The following TMEM266 variants were observed in gnomAD, a reference collection of about 807,000 sequenced individuals.
The protein encoded by TMEM266 is transmembrane protein 266, also known as Hv1 related protein 1.
TMEM266 carries 33 observed loss-of-function variants against 50.5 expected under a neutral mutation model. The observed-to-expected ratio is 0.65, with a 90% CI of 0.50 to 0.87. The LOEUF (loss-of-function observed/expected upper bound fraction) is 0.87. Among genes scored for constraint, TMEM266 ranks in the 40% least tolerant of loss-of-function variants. The pLI is 0.00. For missense variants in TMEM266, 655 were observed against 695.1 expected, an observed-to-expected ratio of 0.94 and a Z score of 0.65; for synonymous variants, 310 against 292.3, an observed-to-expected ratio of 1.06 and a Z score of -0.62.
At chr15:76,149,188 C>CATTG (rs2037800506) in intron 3 of TMEM266, among the ~76,000 whole-genome samples, 1 of 152,232 alleles carries the variant, frequency 6.6e-6, no homozygotes, top group Non-Finnish European at 1.5e-5. Flanking sequence ...TCCCTGTAGG[C>CATTG]ATTGGGTTGA....
intron 8 of TMEM266, among the ~76,000 whole-genome samples, chr15:76,188,752 T>A (rs1282542094): frequency 1.3e-5 from 2 of 152,116 alleles, no homozygotes; most frequent in Non-Finnish European, 2.9e-5. Flanking sequence ...GAACTACAAT[T>A]CGAGATGAGA....
intron 1 of TMEM266, among the ~76,000 whole-genome samples, chr15:76,079,660 T>A: frequency 6.8e-6 from 1 of 146,632 alleles, no homozygotes; most frequent in African/African-American, 2.5e-5. Flanking sequence ...TGGTGGTGTG[T>A]GCCTGTAATC....
chr15:76,095,325 G>T (rs1047566551), intron 1 of TMEM266, among the ~76,000 whole-genome samples: 1 of 151,980 alleles, frequency 6.6e-6, no homozygotes, highest in African/African-American at 2.4e-5. Context: ...TAGCATGAAG[G>T]GCTGTTGAAT....
At chr15:76,202,724 G>A (rs1476693079) in intron 10 of TMEM266, among the ~76,000 whole-genome samples, 1 of 152,042 alleles carries the variant, frequency 6.6e-6, no homozygotes, top group African/African-American at 2.4e-5. Context: ...TTTACTTATG[G>A]GAAAAATTGA....
At chr15:76,124,480 T>C (rs1465952601) in intron 1 of TMEM266, among the ~76,000 whole-genome samples, 4 of 152,200 alleles carry the variant, frequency 2.6e-5, no homozygotes, top group African/African-American at 9.7e-5. Context: ...AAGCAATCTA[T>C]AGGTTCAATA....
intron 4 of TMEM266, among the ~76,000 whole-genome samples, chr15:76,157,081 A>T (rs1339308070): frequency 6.6e-6 from 1 of 151,948 alleles, no homozygotes; most frequent in Non-Finnish European, 1.5e-5. Context: ...AATTGCTCCC[A>T]TTTGGAATTT....
At position 76,116,784 on chromosome 15, in the gene TMEM266, CTAT is replaced by C. The variant is rs550526823; in HGVS notation, c.-96-17380_-96-17378del. ...TGTCATCCTGTAACCTGCTTATTTC[CTAT>C]TATGTTACAGACAACTTTTCACGTT... On this transcript the variant is annotated intron_variant, in intron 1 of 10. Coordinates refer to ENST00000388942, the MANE Select transcript of TMEM266 (RefSeq NM_152335.3). 3.0e-3 allele frequency among the ~76,000 whole-genome samples: 455 copies of C among 152,216 alleles called. 2 individuals carry two copies. Among genetic ancestry groups the C allele is most frequent in the African/African-American group, 0.01 (424 of 41,518 alleles).
At chr15:76,115,749 G>A (rs924285) in intron 1 of TMEM266, among the ~76,000 whole-genome samples, 48,852 of 152,034 alleles carry the variant, frequency 0.32, 9,192 homozygotes, top group East Asian at 0.59. Flanking sequence ...GGCGCTTTTC[G>A]TATTTGTGGC....
intron 1 of TMEM266, among the ~76,000 whole-genome samples, chr15:76,095,780 C>T (rs1311047430): frequency 2.0e-5 from 3 of 152,002 alleles, no homozygotes; most frequent in African/African-American, 7.2e-5. Flanking sequence ...TAATTACTGC[C>T]TCAATTTCAG....
chr15:76,186,627 CTCT>C (rs2038493988), intron 8 of TMEM266, among the ~76,000 whole-genome samples: 1 of 152,232 alleles, frequency 6.6e-6, no homozygotes, highest in African/African-American at 2.4e-5. Flanking sequence ...CTTATCCCTC[CTCT>C]TATCTCTCTC....
At chr15:76,177,215 A>G (rs2038297859) in intron 8 of TMEM266, among the ~76,000 whole-genome samples, 1 of 152,210 alleles carries the variant, frequency 6.6e-6, no homozygotes, top group East Asian at 1.9e-4. Context: ...GCTGAAATAG[A>G]TGCCCCCTGA....
chr15:76,083,583 C>G (rs764199288), intron 1 of TMEM266, among the ~76,000 whole-genome samples: 8 of 152,220 alleles, frequency 5.3e-5, no homozygotes, highest in African/African-American at 1.2e-4. Flanking sequence ...TTCAAAGAAG[C>G]CTTCCATGCC....
intron 1 of TMEM266, among the ~76,000 whole-genome samples, chr15:76,067,487 A>T (rs2036446464): frequency 6.6e-6 from 1 of 152,024 alleles, no homozygotes; most frequent in African/African-American, 2.4e-5. Context: ...TACTAAAAAT[A>T]CAAAAAATTA....
At chr15:76,108,086 G>C (rs1268905605) in intron 1 of TMEM266, among the ~76,000 whole-genome samples, 1 of 152,224 alleles carries the variant, frequency 6.6e-6, no homozygotes, top group Non-Finnish European at 1.5e-5. Context: ...CTCCAAGGAA[G>C]CCTGCACAAA....
chr15:76,138,718 C>T (rs979708711), intron 3 of TMEM266, among the ~76,000 whole-genome samples: 1 of 152,232 alleles, frequency 6.6e-6, no homozygotes, highest in Non-Finnish European at 1.5e-5. Flanking sequence ...GGAAGGCATG[C>T]GGAATATGTG....
intron 1 of TMEM266, among the ~76,000 whole-genome samples, chr15:76,073,899 G>C (rs1259269056): frequency 6.6e-6 from 1 of 152,208 alleles, no homozygotes. Flanking sequence ...CTCTTGTCCA[G>C]TTCTTGTGGA....
intron 8 of TMEM266, among the ~76,000 whole-genome samples, chr15:76,182,752 GA>G: frequency 6.6e-6 from 1 of 152,198 alleles, no homozygotes; most frequent in Non-Finnish European, 1.5e-5. Context: ...CTTTGCTGGT[GA>G]AAGTTGGCAG....
In TMEM266 at chr15:76,192,065, A is replaced by C; in HGVS notation, c.866A>C (p.Gln289Pro). ...CTCCAGGCCCCGCACGTGCTCAGCC[A>C]GCCGCGCAGCCGCTTCAAAGTGTTG... The change falls in exon 9 of 11, where the codon CAG becomes CCG. Residue 289 changes from glutamine (Q) to proline (P), a missense_variant. Around this residue, in one of 3 missense-constraint regions of TMEM266, gnomAD observed 455 missense variants for 401.8 expected, o/e 1.13. Coordinates refer to ENST00000388942, the MANE Select transcript of TMEM266 (RefSeq NM_152335.3). The C allele has an allele frequency of 3.4e-6, 5 of 1,486,240 alleles. No individual in the cohort carries two copies. Among genetic ancestry groups the C allele is most frequent in the Non-Finnish European group, 4.4e-6 (5 of 1,123,856 alleles). 92.1% of individuals were successfully genotyped at this position (1,486,240 alleles called of 1,614,324 possible).
At chr15:76,171,941 G>C (rs2038195162) in intron 7 of TMEM266, among the ~76,000 whole-genome samples, 1 of 152,188 alleles carries the variant, frequency 6.6e-6, no homozygotes, top group South Asian at 2.1e-4. Flanking sequence ...GTGACCCAGA[G>C]GATGACGACA....
Sources: gnomAD v4.1 joint callset for allele counts (sites outside exome capture counted in the v4.1 genomes callset) on GRCh38, gnomAD v4.1.1 for gene constraint, gnomAD v4.1.1 regional missense constraint, MANE v1.5 for transcripts, NCBI Gene and HGNC (gene_info 2026-07-23, HGNC 2026-07-21) for gene names.